BFAR: variants seen among roughly 807,000 people sequenced by gnomAD.
BFAR encodes bifunctional apoptosis regulator, also known as RING finger protein 47.
Under a neutral mutation model 54.4 loss-of-function variants are expected in BFAR, and 52 were observed. The observed-to-expected ratio is 0.96, with a 90% CI of 0.77 to 1.21. BFAR has a LOEUF of 1.21. Among genes scored for constraint, BFAR ranks in the 50% most tolerant of loss-of-function variants. The pLI, the probability that BFAR is intolerant of heterozygous loss-of-function variation, is 0.00. For missense variants in BFAR, 571 were observed against 534.0 expected, an observed-to-expected ratio of 1.07 and a Z score of -0.68; for synonymous variants, 215 against 204.3, an observed-to-expected ratio of 1.05 and a Z score of -0.45.
intron 1 of BFAR, chr16:14,633,403 T>C (rs1197160229): frequency 6.6e-6 from 1 of 152,492 alleles, no homozygotes; most frequent in African/African-American, 2.4e-5. Context: ...CAGGAGCGCT[T>C]GCCACACCCT....
rs184545551 is a variant in BFAR, at chr16:14,667,671, A to G, written c.1197A>G (p.Lys399=). The change falls in exon 8 of 8, where the codon AAA becomes AAG. Residue 399 remains lysine, a synonymous_variant. Coordinates refer to ENST00000261658, the MANE Select transcript of BFAR (RefSeq NM_016561.3). Reference sequence around the variant, plus strand: ...AGAGGATGTGGAGCCATTTCTGGAAAGTATCAACGCAGGGGCTTTTTGTGG... The same window carrying G: ...AGAGGATGTGGAGCCATTTCTGGAAGGTATCAACGCAGGGGCTTTTTGTGG... ...VPQRMWSHFW[K]VSTQGLFVAM... is the part of the protein sequence containing the mutation. 5.0e-5 allele frequency: 81 copies of G among 1,614,144 alleles called. No individual in the cohort carries two copies. The East Asian group carries it at 1.8e-3, about 36-fold the overall frequency.
At chr16:14,655,541 C>G (rs1032069945) in intron 5 of BFAR, among the ~76,000 whole-genome samples, 1 of 150,026 alleles carries the variant, frequency 6.7e-6, no homozygotes, top group African/African-American at 2.5e-5. Flanking sequence ...TCAAGCGATT[C>G]TCCTACCCCA....
Position 14,661,032 on chromosome 16 carries a change from A to C in BFAR, c.784-860A>C, listed in dbSNP as rs563669968. Among the ~76,000 whole-genome samples the C allele has an allele frequency of 3.2e-4, 49 of 152,168 alleles. No individual in the cohort carries two copies. The South Asian group carries it at 5.2e-3, about 16-fold the overall frequency. On this transcript the variant is annotated intron_variant, in intron 5 of 7. Transcript: ENST00000261658. Reference sequence around the variant, plus strand: ...GGCGTGAGCCACCACGCTTACCCTGAATAATCTATTCAGTTACTTTTATAA... The same window carrying C: ...GGCGTGAGCCACCACGCTTACCCTGCATAATCTATTCAGTTACTTTTATAA...
chr16:14,634,768 A>T (rs1011141726), intron 1 of BFAR, among the ~76,000 whole-genome samples: 5 of 152,222 alleles, frequency 3.3e-5, no homozygotes, highest in African/African-American at 1.2e-4. Context: ...ATAAATCGTG[A>T]CGCGATTTGG....
intron 2 of BFAR, among the ~76,000 whole-genome samples, chr16:14,647,136 G>A (rs895403261): frequency 6.6e-6 from 1 of 151,786 alleles, no homozygotes; most frequent in Non-Finnish European, 1.5e-5. Context: ...CCAGGCTGGA[G>A]TGCAATGGTG....
At chr16:14,640,080 A>T (rs1257181452) in intron 1 of BFAR, among the ~76,000 whole-genome samples, 1 of 150,910 alleles carries the variant, frequency 6.6e-6, no homozygotes, top group Non-Finnish European at 1.5e-5. Flanking sequence ...GAGCCTGGGG[A>T]GGTCGAGGCT....
intron 4 of BFAR, among the ~76,000 whole-genome samples, chr16:14,652,608 A>C (rs1340296983): frequency 2.0e-5 from 3 of 152,048 alleles, no homozygotes; most frequent in African/African-American, 7.2e-5. Context: ...TTAAAAAAAT[A>C]ATAACTATGT....
intron 4 of BFAR, among the ~76,000 whole-genome samples, chr16:14,652,400 C>G (rs931048223): frequency 1.3e-5 from 2 of 151,840 alleles, no homozygotes; most frequent in African/African-American, 4.8e-5. Context: ...CCTGCCTCAG[C>G]TTCCCGAGTA....
intron 5 of BFAR, 138 bp downstream of exon 5, chr16:14,655,348 G>GAAGGAC: frequency 2.5e-6 from 2 of 799,940 alleles, no homozygotes; most frequent in Non-Finnish European, 3.3e-6. Flanking sequence ...TTGAGACAGA[G>GAAGGAC]TCCTTCTCTG....
intron 4 of BFAR, among the ~76,000 whole-genome samples, chr16:14,651,427 C>T (rs1475327433): frequency 3.9e-5 from 6 of 152,320 alleles, no homozygotes; most frequent in East Asian, 1.9e-4. Flanking sequence ...CTCCAGGAAC[C>T]TCACATGCTC....
intron 5 of BFAR, among the ~76,000 whole-genome samples, chr16:14,655,759 G>A (rs1960112458): frequency 6.6e-6 from 1 of 152,084 alleles, no homozygotes; most frequent in Admixed American, 6.6e-5. Context: ...AATAAATAAG[G>A]AAAGAGACAC....
chr16:14,660,791 C>T (rs1960267001), intron 5 of BFAR, among the ~76,000 whole-genome samples: 1 of 151,708 alleles, frequency 6.6e-6, no homozygotes. Context: ...ATCCCAGCTA[C>T]TTGGGAGGCT....
At chr16:14,658,193 C>G (rs1960182881) in intron 5 of BFAR, among the ~76,000 whole-genome samples, 1 of 152,190 alleles carries the variant, frequency 6.6e-6, no homozygotes, top group Non-Finnish European at 1.5e-5. Flanking sequence ...AGCAGATGTG[C>G]TGGATTTTTT....
intron 2 of BFAR, among the ~76,000 whole-genome samples, chr16:14,646,496 A>G (rs534490105): frequency 6.6e-5 from 10 of 150,616 alleles, no homozygotes; most frequent in Non-Finnish European, 1.2e-4. Flanking sequence ...CCAAATGCCC[A>G]GCTAAAATTT....
chr16:14,656,728 C>G (rs1275114398), intron 5 of BFAR, among the ~76,000 whole-genome samples: 1 of 152,118 alleles, frequency 6.6e-6, no homozygotes, highest in Non-Finnish European at 1.5e-5. Flanking sequence ...AAGTGCCCCT[C>G]ATTAGGAACA....
At chr16:14,653,367 G>A (rs1257095893) in intron 4 of BFAR, among the ~76,000 whole-genome samples, 1 of 151,956 alleles carries the variant, frequency 6.6e-6, no homozygotes, top group African/African-American at 2.4e-5. Flanking sequence ...CACTCTTGTT[G>A]CCCAGGCTGG....
Position 14,665,039 on chromosome 16 carries a change from C to A in BFAR, c.1128C>A (p.Ser376=), listed in dbSNP as rs547594190. 1.9e-5 allele frequency: 30 copies of A among 1,613,972 alleles called. No homozygotes were observed. The East Asian group carries it at 6.2e-4, about 34-fold the overall frequency. Residue 376 remains serine, a synonymous_variant, in exon 7 of 8, where the codon TCC becomes TCA. Transcript: ENST00000261658. ...AMLLSVLELF[S]FWRIWSRSEL... Reference sequence around the variant, plus strand: ...TACTCTCAGTTCTGGAATTATTCTCCTTTTGGAGAATCTGGTCGAGAAGTG... The same window carrying A: ...TACTCTCAGTTCTGGAATTATTCTCATTTTGGAGAATCTGGTCGAGAAGTG...
At chr16:14,666,174 G>C (rs1300660788) in intron 7 of BFAR, among the ~76,000 whole-genome samples, 3 of 152,160 alleles carry the variant, frequency 2.0e-5, no homozygotes, top group African/African-American at 4.8e-5. Context: ...CCTTTGTTCT[G>C]ATGGACCCAG....
intron 1 of BFAR, among the ~76,000 whole-genome samples, chr16:14,641,063 G>A (rs1377458782): frequency 6.6e-6 from 1 of 152,174 alleles, no homozygotes; most frequent in Non-Finnish European, 1.5e-5. Flanking sequence ...CTGTTTTGTA[G>A]ATTTTTCCAA....
Sources: gnomAD v4.1 joint callset for allele counts (sites outside exome capture counted in the v4.1 genomes callset) on GRCh38, gnomAD v4.1.1 for gene constraint, MANE v1.5 for transcripts, NCBI Gene and HGNC (gene_info 2026-07-23, HGNC 2026-07-21) for gene names.